Variants in COG3 observed in about 807,000 individuals in gnomAD.
COG3 encodes the protein conserved oligomeric Golgi complex subunit 3.
A neutral mutation model predicts 114.1 loss-of-function variants in COG3; 32 were observed. That is an observed-to-expected ratio of 0.28 (90% CI 0.21 to 0.38). COG3 has a LOEUF of 0.38. Among genes scored for constraint, COG3 ranks in the 10% least tolerant of loss-of-function variants. The pLI is 1.00. For missense variants in COG3, 813 were observed against 973.2 expected (o/e 0.84, Z 2.19); for synonymous variants, 352 against 365.7 (o/e 0.96, Z 0.43).
chr13:45,522,817 A>G (rs979712046), intron 19 of COG3, among the ~76,000 whole-genome samples: 1 of 152,214 alleles, frequency 6.6e-6, no homozygotes, highest in Admixed American at 6.5e-5. Flanking sequence ...ATACTTTTTT[A>G]TCGTTCTAGA....
At chr13:45,484,508 C>T (rs1337012343) in intron 7 of COG3, among the ~76,000 whole-genome samples, 1 of 152,092 alleles carries the variant, frequency 6.6e-6, no homozygotes, top group Non-Finnish European at 1.5e-5. Context: ...ATGACAGTTC[C>T]ATTTAATTAT....
chr13:45,490,356 C>G (rs1224683646), intron 8 of COG3, among the ~76,000 whole-genome samples: 2 of 152,190 alleles, frequency 1.3e-5, no homozygotes, highest in Non-Finnish European at 2.9e-5. Flanking sequence ...AGTGGAATCT[C>G]AGAAGTGAAC....
chr13:45,518,974 A>G lies in COG3; in HGVS notation c.2034A>G (p.Ile678Met). The change falls in exon 19 of 23, where the codon ATA (isoleucine) becomes ATG (methionine). Residue 678 changes from isoleucine to methionine, a missense_variant. Around this residue, in one of 2 missense-constraint regions of COG3, gnomAD observed 389 missense variants for 542.6 expected, o/e 0.72. Transcript: ENST00000349995. Reference protein sequence around the residue: ...IEFLLEGTPEIREHYLDSKKD... With the variant: ...IEFLLEGTPEMREHYLDSKKD... ...TTCTTTTTAAGGGTACTCCTGAGAT[A>G]AGAGAACATTATCTTGACTCTAAAA... is the stretch of plus-strand genomic sequence containing the variant. 6.2e-7 allele frequency: 1 copy of G among 1,614,146 alleles called. No homozygotes were observed. The highest frequency in any genetic ancestry group is 1.3e-5 in the African/African-American group (1 of 75,032).
Position 45,465,160 on chromosome 13 carries a change from T to G in COG3, c.124T>G (p.Ser42Ala), listed in dbSNP as rs1259403392. ...TAPLTDRQTD[S>A]VLELKAAAEN... is the part of the protein sequence containing the mutation. ...GCCGCTGACCGACAGGCAGACGGACTCGGTATTGGAGCTGAAGGCGGCGGC... is the reference window on the plus strand; with the variant it reads ...GCCGCTGACCGACAGGCAGACGGACGCGGTATTGGAGCTGAAGGCGGCGGC... Residue 42 changes from serine (S) to alanine (A), a missense_variant, in exon 1 of 23, where the codon TCG becomes GCG. Around this residue, in one of 2 missense-constraint regions of COG3, gnomAD observed 424 missense variants for 430.6 expected, o/e 0.98. Coordinates refer to ENST00000349995, the MANE Select transcript of COG3 (RefSeq NM_031431.4). 1 of 1,613,504 alleles carries G rather than the reference T, an allele frequency of 6.2e-7. No individual in the cohort carries two copies. The highest frequency in any genetic ancestry group is 1.7e-5 in the Admixed American group (1 of 60,018).
intron 13 of COG3, among the ~76,000 whole-genome samples, chr13:45,496,952 C>T (rs540970465): frequency 4.6e-5 from 7 of 152,324 alleles, no homozygotes; most frequent in East Asian, 3.9e-4. Flanking sequence ...GGATTACTGG[C>T]GTGAGCCACC....
At chr13:45,477,199 G>T (rs1271831256) in intron 2 of COG3, among the ~76,000 whole-genome samples, 2 of 152,108 alleles carry the variant, frequency 1.3e-5, no homozygotes, top group African/African-American at 2.4e-5. Context: ...CTCAGCAAAT[G>T]ATAGCCAAGG....
intron 17 of COG3, among the ~76,000 whole-genome samples, chr13:45,517,613 A>T (rs1207397082): frequency 3.6e-4 from 55 of 151,986 alleles, no homozygotes; most frequent in Non-Finnish European, 2.9e-5. Context: ...TACAGAACAC[A>T]TAGTTTTTTT....
rs1375134645 is a variant in COG3, at chr13:45,464,973, C to T, written c.-64C>T. ...GAAGCTCCGGTTCTCCCGGAAGTGGCCCAGGTCTCTCTGTCGGGGTCCCCT... is the reference window on the plus strand; with the variant it reads ...GAAGCTCCGGTTCTCCCGGAAGTGGTCCAGGTCTCTCTGTCGGGGTCCCCT... On this transcript the variant is annotated 5_prime_UTR_variant, in exon 1 of 23. Transcript: ENST00000349995. 6.6e-6 allele frequency: 10 copies of T among 1,514,450 alleles called. No individual in the cohort carries two copies. Among genetic ancestry groups the T allele is most frequent in the Non-Finnish European group, 8.8e-6 (10 of 1,134,552 alleles). 93.8% of individuals were successfully genotyped at this position (1,514,450 alleles called of 1,614,324 possible).
At chr13:45,529,695 C>T (rs1053806613) in intron 20 of COG3, 96 bp from the exon 21 acceptor site, 9 of 817,670 alleles carry the variant, frequency 1.1e-5, no homozygotes, top group African/African-American at 1.1e-4. Flanking sequence ...GTCTTTTCTT[C>T]TGCTATTTTT....
chr13:45,513,615 T>A (rs906482029), intron 16 of COG3, among the ~76,000 whole-genome samples: 1 of 148,754 alleles, frequency 6.7e-6, no homozygotes, highest in South Asian at 2.1e-4. Context: ...TAATTTGGGA[T>A]CTTGTTGCTA....
At chr13:45,501,277 T>A (rs1869498220) in intron 13 of COG3, among the ~76,000 whole-genome samples, 1 of 152,166 alleles carries the variant, frequency 6.6e-6, no homozygotes, top group African/African-American at 2.4e-5. Context: ...TAAGGGAGAT[T>A]GGTCTCTTTT....
chr13:45,511,145 C>T (rs1335430099), intron 15 of COG3, among the ~76,000 whole-genome samples: 2 of 124,752 alleles, frequency 1.6e-5, no homozygotes, highest in Non-Finnish European at 3.4e-5. Flanking sequence ...CTGCCTATAC[C>T]ATTTGGTAAC....
intron 2 of COG3, among the ~76,000 whole-genome samples, chr13:45,476,954 G>A (rs1885906975): frequency 6.6e-6 from 1 of 152,156 alleles, no homozygotes; most frequent in Admixed American, 6.5e-5. Flanking sequence ...AGTTGAGAGA[G>A]GCAGTTCTAC....
chr13:45,519,170 G>A (rs1871842938), intron 19 of COG3, 76 bp downstream of exon 19: 5 of 1,505,664 alleles, frequency 3.3e-6, no homozygotes, highest in Non-Finnish European at 4.6e-6. Flanking sequence ...ACTCTCTTGT[G>A]TAAACTCTGG....
intron 9 of COG3, 121 bp from the exon 10 acceptor site, chr13:45,491,291 G>A: frequency 1.1e-6 from 1 of 927,868 alleles, no homozygotes; most frequent in Non-Finnish European, 1.6e-6. Context: ...AGTTAATGTG[G>A]GCAAATGAGA....
Position 45,486,564 on chromosome 13 carries a change from C to T in COG3, c.913C>T (p.Pro305Ser), listed in dbSNP as rs551504033. 6.2e-7 allele frequency: 1 copy of T among 1,601,530 alleles called. No individual in the cohort carries two copies. The change falls in exon 8 of 23, where the codon CCC becomes TCC. Residue 305 changes from proline (P) to serine (S), a missense_variant. Physicochemically the swap from Pro to Ser is moderately conservative, Grantham distance 74. Transcript: ENST00000349995. ...TTATGTGAAATTTCGAGCTGCTGCCCCCAAAGTCAGAGTAAGTCTATTGAC... is the reference window on the plus strand; with the variant it reads ...TTATGTGAAATTTCGAGCTGCTGCCTCCAAAGTCAGAGTAAGTCTATTGAC... ...LFYVKFRAAAPKVRTLIEQIE... is the reference protein window; with the variant it reads ...LFYVKFRAAASKVRTLIEQIE...
Position 45,483,250 on chromosome 13 carries a change from C to T in COG3, c.738C>T (p.Pro246=), listed in dbSNP as rs1250473434. 1.3e-6 allele frequency: 2 copies of T among 1,581,070 alleles called. No individual in the cohort carries two copies. The highest frequency in any genetic ancestry group is 2.2e-5 in the South Asian group (2 of 89,872). The change falls in exon 7 of 23, where the codon CCC becomes CCT. Residue 246 remains proline, a synonymous_variant. Coordinates refer to ENST00000349995, the MANE Select transcript of COG3 (RefSeq NM_031431.4). Reference sequence around the variant, plus strand: ...TACAGCCTAATTTTAAAGATTATCCCATATATTTGCTGAAGTTTAAACAGT... The same window carrying T: ...TACAGCCTAATTTTAAAGATTATCCTATATATTTGCTGAAGTTTAAACAGT... The part of the protein sequence containing the change: ...ISSHPNFKDY[P]IYLLKFKQCL...
intron 3 of COG3, 73 bp from the exon 4 acceptor site, chr13:45,480,052 C>A (rs753846629): frequency 7.6e-7 from 1 of 1,320,154 alleles, no homozygotes; most frequent in Non-Finnish European, 1.0e-6. Context: ...GAAAAATGAG[C>A]CTTTGTTGTT....
intron 3 of COG3, 39 bp downstream of exon 3, chr13:45,479,105 T>G: frequency 7.1e-7 from 1 of 1,415,228 alleles, no homozygotes; most frequent in Non-Finnish European, 9.9e-7. Context: ...ATCTTAATTT[T>G]TAGATCACAG....
Sources: allele counts gnomAD v4.1 joint callset (sites outside exome capture counted in the v4.1 genomes callset), GRCh38; gene constraint gnomAD v4.1.1; regional missense constraint gnomAD v4.1.1; transcripts MANE v1.5; gene names NCBI Gene and HGNC (gene_info 2026-07-23, HGNC 2026-07-21).